Variants in SLC6A11 observed in about 807,000 individuals in gnomAD.
The protein encoded by SLC6A11 is sodium- and chloride-dependent GABA transporter 3.
A neutral mutation model predicts 74.8 loss-of-function variants in SLC6A11; 25 were observed. The ratio of observed to expected loss-of-function variants is 0.33; its 90% CI spans 0.24 to 0.47. The LOEUF is 0.47. Among genes scored for constraint, SLC6A11 ranks in the 20% least tolerant of loss-of-function variants. The probability of loss-of-function intolerance (pLI) is 1.00; values close to 1 mark genes in which losing one functional copy is unlikely to be tolerated. For synonymous variants in SLC6A11, 330 were observed against 330.2 expected (o/e 1.00, Z 0.01); for missense variants, 574 against 837.0 (o/e 0.69, Z 3.88).
chr3:10,852,906 G>A (rs2106590522), intron 5 of SLC6A11, among the ~76,000 whole-genome samples: 1 of 152,314 alleles, frequency 6.6e-6, no homozygotes, highest in South Asian at 2.1e-4. Context: ...AGGAACTGGG[G>A]AAATAAGATA....
At chr3:10,876,835 A>G (rs1694915001) in intron 6 of SLC6A11, among the ~76,000 whole-genome samples, 1 of 147,826 alleles carries the variant, frequency 6.8e-6, no homozygotes, top group Non-Finnish European at 1.5e-5. Context: ...AGGCCAGGCC[A>G]TTTTCTACCA....
At chr3:10,860,436 C>G (rs922665059) in intron 5 of SLC6A11, among the ~76,000 whole-genome samples, 4 of 152,096 alleles carry the variant, frequency 2.6e-5, no homozygotes, top group Non-Finnish European at 5.9e-5. Context: ...AGTGGGACAG[C>G]CAGGATGAGA....
chr3:10,939,925 ACT>A lies in SLC6A11; in HGVS notation c.*1526_*1527del, dbSNP rs1393651431. Reference sequence around the variant, plus strand: ...AGCTATATGAGGGTGGGGAAGGCACACTCTTTTTTCCTTTTTCCTTAGGTTCC... The same window carrying A: ...AGCTATATGAGGGTGGGGAAGGCACACTTTTTTCCTTTTTCCTTAGGTTCC... On this transcript the variant is annotated 3_prime_UTR_variant, in exon 14 of 14. Coordinates refer to ENST00000254488, the MANE Select transcript of SLC6A11 (RefSeq NM_014229.3). 6.6e-6 allele frequency: 1 copy of A among 151,646 alleles called. No individual in the cohort carries two copies. Among genetic ancestry groups the A allele is most frequent in the Non-Finnish European group, 1.5e-5 (1 of 67,918 alleles). 9.4% of individuals were successfully genotyped at this position (151,646 alleles called of 1,614,324 possible).
chr3:10,886,298 T>A (rs1204263123), intron 6 of SLC6A11, among the ~76,000 whole-genome samples: 1 of 152,162 alleles, frequency 6.6e-6, no homozygotes, highest in Non-Finnish European at 1.5e-5. Context: ...TGCTTCAGGA[T>A]TCAAATCAAG....
At chr3:10,865,871 G>A (rs6809562) in intron 5 of SLC6A11, among the ~76,000 whole-genome samples, 19,308 of 152,110 alleles carry the variant, frequency 0.13, 1,533 homozygotes, top group African/African-American at 0.22. Context: ...TTCTCTTCCT[G>A]TCTGAGTAGA....
chr3:10,918,584 T>G lies in SLC6A11; in HGVS notation c.1120+131T>G. 1 of 965,010 alleles carries G rather than the reference T, an allele frequency of 1.0e-6. No individual in the cohort carries two copies. The highest frequency in any genetic ancestry group is 1.5e-6 in the Non-Finnish European group (1 of 680,406). The allele number at this position is 965,010 out of a possible 1,614,324, so 59.8% of individuals were successfully genotyped here. On this transcript the variant is annotated intron_variant, in intron 8 of 13. Transcript: ENST00000254488. The surrounding 1 kb of genome is among the most constrained non-coding windows in gnomAD (Gnocchi z 4.5). ...CAGGCCTCAGAAAGGGGCCCCACCA[T>G]TCATCCACAATCCAGGATCCTGGGA...
chr3:10,837,159 T>C (rs1694377605), intron 4 of SLC6A11, among the ~76,000 whole-genome samples: 1 of 152,128 alleles, frequency 6.6e-6, no homozygotes, highest in African/African-American at 2.4e-5. Context: ...GCTTGAAGGA[T>C]GGTTAGAATA....
At chr3:10,908,218 A>G (rs1417553676) in intron 6 of SLC6A11, among the ~76,000 whole-genome samples, 2 of 152,242 alleles carry the variant, frequency 1.3e-5, no homozygotes, top group African/African-American at 4.8e-5. Context: ...ATAATAACAT[A>G]TATATGAAAA....
At chr3:10,847,637 A>G (rs1694520895) in intron 5 of SLC6A11, among the ~76,000 whole-genome samples, 1 of 152,142 alleles carries the variant, frequency 6.6e-6, no homozygotes, top group Non-Finnish European at 1.5e-5. Flanking sequence ...CAGGAGTGAG[A>G]GCCTGGTCCC....
intron 13 of SLC6A11, among the ~76,000 whole-genome samples, chr3:10,936,081 G>A (rs1467928186): frequency 6.6e-6 from 1 of 152,216 alleles, no homozygotes; most frequent in African/African-American, 2.4e-5. Context: ...CTTCCCTACC[G>A]CTGGCAGCCC....
chr3:10,830,370 A>G (rs753880869), intron 4 of SLC6A11, among the ~76,000 whole-genome samples: 1 of 152,218 alleles, frequency 6.6e-6, no homozygotes, highest in Non-Finnish European at 1.5e-5. Flanking sequence ...GGGAGACTTT[A>G]CTGAAGAGCA....
chr3:10,892,264 C>A (rs549768664), intron 6 of SLC6A11, among the ~76,000 whole-genome samples: 1 of 152,252 alleles, frequency 6.6e-6, no homozygotes, highest in Non-Finnish European at 1.5e-5. Flanking sequence ...CCCTACAGGG[C>A]GAGTGCTGAG....
chr3:10,858,492 T>A (rs1694664491), intron 5 of SLC6A11, among the ~76,000 whole-genome samples: 1 of 152,174 alleles, frequency 6.6e-6, no homozygotes, highest in South Asian at 2.1e-4. Context: ...ATCACCTCCA[T>A]CTTTATGATG....
intron 6 of SLC6A11, among the ~76,000 whole-genome samples, chr3:10,890,651 T>C (rs1695097048): frequency 6.6e-6 from 1 of 152,270 alleles, no homozygotes; most frequent in African/African-American, 2.4e-5. Flanking sequence ...TGATTCTGCC[T>C]TATTACTTCT....
At chr3:10,876,571 T>C (rs1694908979) in intron 6 of SLC6A11, among the ~76,000 whole-genome samples, 1 of 152,112 alleles carries the variant, frequency 6.6e-6, no homozygotes, top group Admixed American at 6.5e-5. Flanking sequence ...CCGAATACCT[T>C]GGAGCTGGTT....
chr3:10,829,166 G>C (rs1282596851), intron 4 of SLC6A11, among the ~76,000 whole-genome samples: 1 of 152,162 alleles, frequency 6.6e-6, no homozygotes, highest in East Asian at 1.9e-4. Context: ...AAGATTTTTT[G>C]CAATTGGTTC....
chr3:10,870,606 A>T (rs1217894709), intron 5 of SLC6A11, among the ~76,000 whole-genome samples: 1 of 152,218 alleles, frequency 6.6e-6, no homozygotes, highest in Non-Finnish European at 1.5e-5. Flanking sequence ...AAAGTGAAAG[A>T]TGATGTCCAA....
intron 5 of SLC6A11, among the ~76,000 whole-genome samples, chr3:10,859,910 T>C (rs1694683333): frequency 6.6e-6 from 1 of 152,260 alleles, no homozygotes; most frequent in Non-Finnish European, 1.5e-5. Flanking sequence ...CACCAGACTC[T>C]ACTGTTGCTT....
intron 6 of SLC6A11, among the ~76,000 whole-genome samples, chr3:10,901,433 C>T (rs763546925): frequency 3.3e-5 from 5 of 152,260 alleles, no homozygotes; most frequent in Non-Finnish European, 5.9e-5. Flanking sequence ...AACGGCTCCT[C>T]ACCGCCCGCA....
Sources: gnomAD v4.1 joint callset for allele counts (sites outside exome capture counted in the v4.1 genomes callset) on GRCh38, gnomAD v4.1.1 for gene constraint, Gnocchi (gnomAD v3.1) non-coding constraint, MANE v1.5 for transcripts, NCBI Gene and HGNC (gene_info 2026-07-23, HGNC 2026-07-21) for gene names.